SCFD2: variants seen among roughly 807,000 people sequenced by gnomAD.
SCFD2 encodes sec1 family domain-containing protein 2.
Under a neutral mutation model 58.9 loss-of-function variants are expected in SCFD2, and 54 were observed. The ratio of observed to expected loss-of-function variants is 0.92; its 90% CI spans 0.74 to 1.15. SCFD2 has a LOEUF of 1.15. Ranked by LOEUF, SCFD2 falls within the 50% of genes most tolerant of loss-of-function variation. The pLI is 0.00. For synonymous variants in SCFD2, 321 were observed against 335.9 expected, an observed-to-expected ratio of 0.96 and a Z score of 0.49; for missense variants, 805 against 836.6, an observed-to-expected ratio of 0.96 and a Z score of 0.47.
At chr4:53,339,984 T>C (rs1024567689) in intron 2 of SCFD2, among the ~76,000 whole-genome samples, 1 of 152,072 alleles carries the variant, frequency 6.6e-6, no homozygotes, top group Non-Finnish European at 1.5e-5. Context: ...ACTGGCAGAA[T>C]TGGTTCCAAG....
rs776783128 is a variant in SCFD2 at position 53,144,548 on chromosome 4, A to AAT, written c.1561+783_1561+784dup. Among the ~76,000 whole-genome samples the AAT allele has an allele frequency of 1.2e-3, 177 of 147,744 alleles. No homozygotes were observed. In the East Asian group the frequency reaches 0.018, roughly 15 times the overall value. ...TGGAATATATATATTTTTTATATAT[A>AAT]ATATATATATAATATATAAAAACAC... On this transcript the variant is annotated intron_variant, in intron 5 of 8. Transcript: ENST00000401642.
chr4:52,930,489 C>T (rs939411556), intron 5 of SCFD2, among the ~76,000 whole-genome samples: 1 of 152,012 alleles, frequency 6.6e-6, no homozygotes. Context: ...GCAATTACAA[C>T]GAAAGCAAAA....
chr4:52,994,620 AACTCCAGGGCTCTAGCCCTTCCTCT>A, intron 5 of SCFD2, among the ~76,000 whole-genome samples: 1 of 152,140 alleles, frequency 6.6e-6, no homozygotes, highest in East Asian at 1.9e-4. Flanking sequence ...ATTACACTTG[AACTCCAGGGCTCTAGCCCTTCCTCT>A]ACTCCACTCG....
At chr4:53,003,301 C>G (rs758343774) in intron 5 of SCFD2, among the ~76,000 whole-genome samples, 1 of 152,162 alleles carries the variant, frequency 6.6e-6, no homozygotes, top group Non-Finnish European at 1.5e-5. Context: ...ATCAGACTTA[C>G]GTTTTAGAGC....
chr4:53,081,138 G>A (rs1724135058), intron 5 of SCFD2, among the ~76,000 whole-genome samples: 1 of 152,110 alleles, frequency 6.6e-6, no homozygotes, highest in African/African-American at 2.4e-5. Flanking sequence ...CAGAATTTCA[G>A]GCAATTATCT....
At chr4:52,910,570 T>C (rs1719460581) in intron 6 of SCFD2, among the ~76,000 whole-genome samples, 1 of 152,190 alleles carries the variant, frequency 6.6e-6, no homozygotes, top group Non-Finnish European at 1.5e-5. Context: ...AAGCTTACAG[T>C]TATTTATTTT....
Position 53,365,455 on chromosome 4 carries a change from C to T in SCFD2, c.487G>A (p.Val163Ile). The change falls in exon 1 of 9, where the codon GTT becomes ATT. Residue 163 changes from valine to isoleucine, a missense_variant. Physicochemically the swap from Val to Ile is conservative, Grantham distance 29. Coordinates refer to ENST00000401642, the MANE Select transcript of SCFD2 (RefSeq NM_152540.4). This position sits in a 1 kb window ranked among gnomAD's most constrained non-coding sequence, Gnocchi z 4.3. ...GGAGTCAAGGCAAAGTGGGGAGCAACAGGGGCAAGCAATAACGGGACATGG... is the reference window on the plus strand; with the variant it reads ...GGAGTCAAGGCAAAGTGGGGAGCAATAGGGGCAAGCAATAACGGGACATGG... ...VFHVPLLLAP[V>I]APHFALTPAF... 1 of 1,614,200 alleles carries T rather than the reference C, an allele frequency of 6.2e-7. No individual in the cohort carries two copies. The highest frequency in any genetic ancestry group is 2.2e-5 in the East Asian group (1 of 44,882).
At chr4:53,346,336 G>A (rs188833288) in intron 2 of SCFD2, among the ~76,000 whole-genome samples, 29 of 149,020 alleles carry the variant, frequency 1.9e-4, no homozygotes, top group Non-Finnish European at 3.1e-4. Flanking sequence ...GTGCAATGGC[G>A]CGATCTCTGC....
At chr4:53,258,225 A>T (rs1438753387) in intron 4 of SCFD2, among the ~76,000 whole-genome samples, 1 of 152,076 alleles carries the variant, frequency 6.6e-6, no homozygotes, top group African/African-American at 2.4e-5. Flanking sequence ...TGGTTACATT[A>T]ATAAGTTCTT....
intron 5 of SCFD2, among the ~76,000 whole-genome samples, chr4:52,969,256 G>A (rs1428317384): frequency 6.6e-6 from 1 of 152,200 alleles, no homozygotes; most frequent in Non-Finnish European, 1.5e-5. Context: ...TATTGTGGTG[G>A]TCTGTATAGC....
At chr4:53,241,159 C>A (rs1729880612) in intron 4 of SCFD2, among the ~76,000 whole-genome samples, 1 of 152,168 alleles carries the variant, frequency 6.6e-6, no homozygotes, top group African/African-American at 2.4e-5. Flanking sequence ...GGAATCCTGG[C>A]AGGAGGAGAC....
chr4:52,991,207 A>G (rs890655464), intron 5 of SCFD2, among the ~76,000 whole-genome samples: 1 of 152,198 alleles, frequency 6.6e-6, no homozygotes, highest in East Asian at 1.9e-4. Context: ...GGTAATAACA[A>G]TATTGACATG....
chr4:53,222,130 TG>T (rs1729064703), intron 4 of SCFD2, among the ~76,000 whole-genome samples: 1 of 152,248 alleles, frequency 6.6e-6, no homozygotes, highest in African/African-American at 2.4e-5. Flanking sequence ...ATCTGGATTA[TG>T]TCTTTCCTTT....
chr4:53,002,127 G>A (rs952329836), intron 5 of SCFD2, among the ~76,000 whole-genome samples: 1 of 152,304 alleles, frequency 6.6e-6, no homozygotes, highest in East Asian at 1.9e-4. Context: ...GTTCAAAAAG[G>A]AAGCATCAGA....
At chr4:53,120,492 T>C (rs544451312) in intron 5 of SCFD2, among the ~76,000 whole-genome samples, 1 of 152,180 alleles carries the variant, frequency 6.6e-6, no homozygotes, top group African/African-American at 2.4e-5. Flanking sequence ...TAGTCCTAAA[T>C]CACTGTGATA....
intron 5 of SCFD2, among the ~76,000 whole-genome samples, chr4:52,977,756 G>A (rs1721286453): frequency 6.6e-6 from 1 of 152,176 alleles, no homozygotes; most frequent in South Asian, 2.1e-4. Flanking sequence ...AGTTCCTACA[G>A]CCTTGCTCAT....
chr4:53,175,142 C>CCCTA (rs1727291358), intron 4 of SCFD2, among the ~76,000 whole-genome samples: 1 of 152,096 alleles, frequency 6.6e-6, no homozygotes, highest in African/African-American at 2.4e-5. Flanking sequence ...TAATAAGGTA[C>CCCTA]CCTAACAAAT....
intron 5 of SCFD2, among the ~76,000 whole-genome samples, chr4:53,032,400 G>C (rs1048676056): frequency 6.6e-6 from 1 of 152,098 alleles, no homozygotes; most frequent in Non-Finnish European, 1.5e-5. Flanking sequence ...AAAATAACCA[G>C]CTAGCATCAT....
chr4:53,205,770 G>A (rs1344132635), intron 4 of SCFD2, among the ~76,000 whole-genome samples: 1 of 151,822 alleles, frequency 6.6e-6, no homozygotes, highest in Admixed American at 6.6e-5. Flanking sequence ...GCTGAGGCAG[G>A]AGAATGGCAT....
Sources: gnomAD v4.1 joint callset for allele counts (sites outside exome capture counted in the v4.1 genomes callset) on GRCh38, gnomAD v4.1.1 for gene constraint, Gnocchi (gnomAD v3.1) non-coding constraint, MANE v1.5 for transcripts, NCBI Gene and HGNC (gene_info 2026-07-23, HGNC 2026-07-21) for gene names.